Variants in PCDHA4 observed in about 807,000 individuals in gnomAD.
PCDHA4 encodes the protein protocadherin alpha-4.
A neutral mutation model predicts 61.4 loss-of-function variants in PCDHA4; 49 were observed. The ratio of observed to expected loss-of-function variants is 0.80; its 90% CI spans 0.63 to 1.01. The LOEUF (loss-of-function observed/expected upper bound fraction) is 1.01. Ranked by LOEUF, PCDHA4 falls within the 50% of genes least tolerant of loss-of-function variation. The pLI is 0.00. For missense variants in PCDHA4, 1,254 were observed against 1,235.8 expected (o/e 1.01, Z -0.22); for synonymous variants, 590 against 550.3 (o/e 1.07, Z -1.01).
rs2043467325 is a variant in PCDHA4 at position 140,855,436 on chromosome 5, G to C, written c.2385+45864G>C. Among the ~76,000 whole-genome samples the C allele has an allele frequency of 2.7e-5, 4 of 149,868 alleles. No homozygotes were observed. In the South Asian group the frequency reaches 8.4e-4, roughly 32 times the overall value. ...GATCTCTAAATTCTAGTGATGACTA[G>C]ATCTTCGGAGTTATAAACACCTCAC... On this transcript the variant is annotated intron_variant, in intron 1 of 3. Transcript: ENST00000530339.
intron 1 of PCDHA4, among the ~76,000 whole-genome samples, chr5:140,935,413 T>C (rs1011900671): frequency 1.3e-5 from 2 of 152,246 alleles, no homozygotes; most frequent in Non-Finnish European, 2.9e-5. Flanking sequence ...ACAATGGACT[T>C]AGAAAACAAT....
chr5:140,894,138 T>A (rs1224822611), intron 1 of PCDHA4, among the ~76,000 whole-genome samples: 2 of 152,112 alleles, frequency 1.3e-5, no homozygotes, highest in Non-Finnish European at 2.9e-5. Flanking sequence ...TTGAAATAAT[T>A]CCCTTCTATG....
rs2150349666 is a variant in PCDHA4, at chr5:140,842,999, G to T, written c.2385+33427G>T. ...GCAGGTGTTCGTGCTGGACGAGAAT[G>T]ACAACGCGCCGGCACTGCTGGAGCC... On this transcript the variant is annotated intron_variant, in intron 1 of 3. Coordinates refer to ENST00000530339, the MANE Select transcript of PCDHA4 (RefSeq NM_018907.4). The T allele has an allele frequency of 6.3e-5, 100 of 1,594,954 alleles. 9 individuals carry two copies. In the Admixed American group the frequency reaches 1.7e-3, roughly 27 times the overall value.
At chr5:140,919,452 A>G (rs1430872710) in intron 1 of PCDHA4, among the ~76,000 whole-genome samples, 4 of 152,182 alleles carry the variant, frequency 2.6e-5, no homozygotes, top group Non-Finnish European at 4.4e-5. Context: ...ATGTATTCAC[A>G]TGATGTTACT....
chr5:140,830,265 C>A, intron 1 of PCDHA4: 1 of 1,613,646 alleles, frequency 6.2e-7, no homozygotes, highest in East Asian at 2.2e-5. Flanking sequence ...CGGTGCTCGG[C>A]GCCACCCACC....
At chr5:140,841,507 C>T in intron 1 of PCDHA4, 2 of 1,613,396 alleles carry the variant, frequency 1.2e-6, no homozygotes, top group South Asian at 1.1e-5. Flanking sequence ...TGGTGCCGCG[C>T]CTGTTCCGGG....
chr5:140,829,401 C>T (rs2150167195), intron 1 of PCDHA4: 15 of 1,614,092 alleles, frequency 9.3e-6, no homozygotes, highest in Non-Finnish European at 1.3e-5. Context: ...TCGCTGTGGG[C>T]CACCGCCAGC....
Position 141,011,605 on chromosome 5 carries a change from T to C in PCDHA4, c.*1668T>C, listed in dbSNP as rs971128266. On this transcript the variant is annotated 3_prime_UTR_variant, in exon 4 of 4. Coordinates refer to ENST00000530339, the MANE Select transcript of PCDHA4 (RefSeq NM_018907.4). The stretch of plus-strand genomic sequence containing the variant: ...AAGATACTGGTGATTCAAGGAATTT[T>C]ATTTATGGTCCAGCCAAGAGCCATC... 4 of 153,780 alleles carry C rather than the reference T, an allele frequency of 2.6e-5. No homozygotes were observed. Among genetic ancestry groups the C allele is most frequent in the Non-Finnish European group, 4.4e-5 (3 of 68,032 alleles). 9.5% of individuals were successfully genotyped at this position (153,780 alleles called of 1,614,324 possible). A position where few individuals can be genotyped will look rare whatever the true frequency, so the allele number is the denominator to read the frequency against.
rs190155701 is a variant in PCDHA4, at chr5:140,878,924, A to G, written c.2385+69352A>G. Among the ~76,000 whole-genome samples, 11 of 152,344 alleles carry G rather than the reference A, an allele frequency of 7.2e-5. No homozygotes were observed. The East Asian group carries it at 2.1e-3, about 29-fold the overall frequency. ...GCTCCACCACTCCCAGCTTCAATCA[A>G]TAATTTTAAATAAATATATGGTATT... On this transcript the variant is annotated intron_variant, in intron 1 of 3. Transcript: ENST00000530339.
chr5:140,851,152 C>A, intron 1 of PCDHA4: 2 of 1,305,064 alleles, frequency 1.5e-6, no homozygotes, highest in Non-Finnish European at 2.0e-6. Context: ...CATTGAATTT[C>A]TGATGCTATG....
chr5:140,969,325 A>G (rs1490022353), intron 1 of PCDHA4: 1 of 1,614,000 alleles, frequency 6.2e-7, no homozygotes, highest in Non-Finnish European at 8.5e-7. Context: ...CTGTTTCTCA[A>G]AATGAGGTGA....
intron 1 of PCDHA4, among the ~76,000 whole-genome samples, chr5:140,926,054 T>A (rs1018660828): frequency 6.6e-6 from 1 of 152,182 alleles, no homozygotes; most frequent in African/African-American, 2.4e-5. Flanking sequence ...CCCAACCTTC[T>A]TCCCCTCCTT....
intron 1 of PCDHA4, chr5:140,882,745 T>A (rs782756975): frequency 4.3e-6 from 7 of 1,614,124 alleles, no homozygotes; most frequent in African/African-American, 1.3e-5. Flanking sequence ...GCGCATCCGA[T>A]GCAGATATTG....
intron 1 of PCDHA4, among the ~76,000 whole-genome samples, chr5:140,874,267 A>G (rs929129030): frequency 6.6e-6 from 1 of 152,232 alleles, no homozygotes; most frequent in Non-Finnish European, 1.5e-5. Flanking sequence ...TGACTTGAGT[A>G]TTAATAGACT....
intron 1 of PCDHA4, chr5:140,836,574 G>A (rs2150264470): frequency 1.9e-6 from 3 of 1,613,706 alleles, no homozygotes; most frequent in East Asian, 4.5e-5. Flanking sequence ...CTCTGAGGGC[G>A]CATGTAGTTT....
At chr5:141,006,188 A>C (rs1319299509) in intron 3 of PCDHA4, among the ~76,000 whole-genome samples, 2 of 150,182 alleles carry the variant, frequency 1.3e-5, no homozygotes, top group Admixed American at 6.7e-5. Flanking sequence ...AGAGTTTGCT[A>C]TATGTATGTT....
intron 1 of PCDHA4, among the ~76,000 whole-genome samples, chr5:140,820,411 T>C (rs2150106825): frequency 0.077 from 11,651 of 152,094 alleles, 630 homozygotes; most frequent in Non-Finnish European, 0.11. Flanking sequence ...ATTTTAAATG[T>C]AAAAGTATCC....
chr5:140,858,032 G>A lies in PCDHA4; in HGVS notation c.2385+48460G>A. 6.3e-7 allele frequency: 1 copy of A among 1,597,242 alleles called. No homozygotes were observed. The highest frequency in any genetic ancestry group is 8.6e-7 in the Non-Finnish European group (1 of 1,167,272). The stretch of plus-strand genomic sequence containing the variant: ...TGGCGAGCCGTCGCTGACGGCCACG[G>A]CCACTGTGCTTGTGTCGCTTGTGGA... On this transcript the variant is annotated intron_variant, in intron 1 of 3. Transcript: ENST00000530339.
chr5:140,863,407 C>A (rs1343146552), intron 1 of PCDHA4: 4 of 788,794 alleles, frequency 5.1e-6, no homozygotes, highest in African/African-American at 1.7e-5. Flanking sequence ...CAAGCCCACG[C>A]TGGTGTACCG....
Sources: allele counts gnomAD v4.1 joint callset (sites outside exome capture counted in the v4.1 genomes callset), GRCh38; gene constraint gnomAD v4.1.1; transcripts MANE v1.5; gene names NCBI Gene and HGNC (gene_info 2026-07-23, HGNC 2026-07-21).